Variants in LRMDA observed in about 807,000 individuals in gnomAD.
LRMDA encodes leucine rich melanocyte differentiation associated.
A neutral mutation model predicts 29.8 loss-of-function variants in LRMDA; 18 were observed. That is an observed-to-expected ratio of 0.60 (90% CI 0.42 to 0.90). LRMDA has a LOEUF of 0.90. Ranked by LOEUF, LRMDA falls within the 40% of genes least tolerant of loss-of-function variation. LRMDA has a pLI of 0.00. For synonymous variants in LRMDA, 125 were observed against 109.4 expected (o/e 1.14, Z -0.89); for missense variants, 273 against 273.9 (o/e 1.00, Z 0.02).
chr10:76,412,876 C>T (rs1464113749), intron 6 of LRMDA, among the ~76,000 whole-genome samples: 1 of 152,000 alleles, frequency 6.6e-6, no homozygotes, highest in Non-Finnish European at 1.5e-5. Flanking sequence ...AGACTTGTTG[C>T]CTTTCCTCTC....
At chr10:76,204,382 TATTCC>T (rs1851496689) in intron 5 of LRMDA, among the ~76,000 whole-genome samples, 3 of 152,204 alleles carry the variant, frequency 2.0e-5, no homozygotes, top group African/African-American at 4.8e-5. Context: ...TACCCATCTC[TATTCC>T]ATATGCCTGT....
At chr10:75,518,697 C>T (rs917290597) in intron 2 of LRMDA, among the ~76,000 whole-genome samples, 2 of 152,000 alleles carry the variant, frequency 1.3e-5, no homozygotes, top group African/African-American at 2.4e-5. Context: ...GTGTCTCTAT[C>T]TCCTTCAGTT....
intron 2 of LRMDA, among the ~76,000 whole-genome samples, chr10:76,035,807 C>T (rs939606026): frequency 6.6e-6 from 1 of 152,332 alleles, no homozygotes; most frequent in Non-Finnish European, 1.5e-5. Context: ...GTGAAGGATG[C>T]GGTGGGTGCC....
intron 2 of LRMDA, among the ~76,000 whole-genome samples, chr10:75,868,375 A>G (rs1264129217): frequency 6.6e-6 from 1 of 152,122 alleles, no homozygotes; most frequent in African/African-American, 2.4e-5. Context: ...TTTTTATGAA[A>G]TGGGGGTAAT....
chr10:75,938,632 A>G (rs1846336634), intron 2 of LRMDA, among the ~76,000 whole-genome samples: 2 of 152,196 alleles, frequency 1.3e-5, no homozygotes, highest in Non-Finnish European at 2.9e-5. Flanking sequence ...ATCTTTGTCT[A>G]TAGCGGCAAG....
chr10:75,490,932 T>C lies in LRMDA; in HGVS notation c.131+52438T>C, dbSNP rs577954564. ...ACCTCTCCTCTCCCATCTGATTCCT[T>C]GTATCAGGAGTACAATAATAATTTT... On this transcript the variant is annotated intron_variant, in intron 2 of 6. Coordinates refer to ENST00000611255, the MANE Select transcript of LRMDA (RefSeq NM_001305581.2). Among the ~76,000 whole-genome samples the C allele has an allele frequency of 2.0e-5, 3 of 152,316 alleles. No individual in the cohort carries two copies. In the South Asian group the frequency reaches 6.2e-4, roughly 32 times the overall value.
chr10:75,845,207 CA>C (rs372223442), intron 2 of LRMDA, among the ~76,000 whole-genome samples: 5 of 101,882 alleles, frequency 4.9e-5, no homozygotes, highest in African/African-American at 1.4e-4. Flanking sequence ...TTATGAGCCA[CA>C]GGTTTTTTTT....
At position 76,291,912 on chromosome 10, in the gene LRMDA, GCACACACACACACACACGTGCA is replaced by G. The variant is rs1335743895; in HGVS notation, c.517-32471_517-32450del. 8.2e-4 allele frequency among the ~76,000 whole-genome samples: 111 copies of G among 134,956 alleles called. 1 individual carries two copies. Among genetic ancestry groups the G allele is most frequent in the Admixed American group, 4.0e-3 (54 of 13,342 alleles). The allele number at this position is 134,956 out of a possible 152,430, so 88.5% of individuals were successfully genotyped here. ...ACAGATTATATATACACCCACACGTGCACACACACACACACACGTGCACACACACACACACACACACAAATTC... is the reference window on the plus strand; with the variant it reads ...ACAGATTATATATACACCCACACGTGCACACACACACACACACACAAATTC... On this transcript the variant is annotated intron_variant, in intron 5 of 6. Transcript: ENST00000611255.
intron 2 of LRMDA, among the ~76,000 whole-genome samples, chr10:75,934,607 G>A (rs1158723959): frequency 2.0e-5 from 3 of 152,202 alleles, no homozygotes; most frequent in Admixed American, 6.5e-5. Context: ...AGGGCATAAA[G>A]GGTGTGCTCC....
chr10:75,933,701 A>G (rs1022443354), intron 2 of LRMDA, among the ~76,000 whole-genome samples: 1 of 152,142 alleles, frequency 6.6e-6, no homozygotes, highest in African/African-American at 2.4e-5. Context: ...GATTGGTGAG[A>G]CAGGTGGGAG....
At chr10:76,276,047 ATCTATCTCTTTCTTTC>A (rs1474110080) in intron 5 of LRMDA, among the ~76,000 whole-genome samples, 83 of 145,000 alleles carry the variant, frequency 5.7e-4, no homozygotes, top group African/African-American at 1.6e-3. Flanking sequence ...CTATCTATCT[ATCTATCTCTTTCTTTC>A]TCTCTTTCTT....
At chr10:76,416,420 C>G (rs968749169) in intron 6 of LRMDA, among the ~76,000 whole-genome samples, 4 of 152,208 alleles carry the variant, frequency 2.6e-5, no homozygotes, top group Non-Finnish European at 4.4e-5. Context: ...GGCCATCTAA[C>G]TTCTTTAAGC....
chr10:76,142,792 T>C (rs906446901), intron 5 of LRMDA, among the ~76,000 whole-genome samples: 4 of 151,474 alleles, frequency 2.6e-5, no homozygotes, highest in Non-Finnish European at 4.4e-5. Context: ...CTGCACCCAT[T>C]AACTCGTCAT....
At chr10:76,216,276 A>G (rs533372644) in intron 5 of LRMDA, among the ~76,000 whole-genome samples, 1 of 152,358 alleles carries the variant, frequency 6.6e-6, no homozygotes, top group South Asian at 2.1e-4. Context: ...GGATCACCTG[A>G]GCTCAGTAGT....
intron 6 of LRMDA, among the ~76,000 whole-genome samples, chr10:76,491,038 C>T (rs1842829053): frequency 6.6e-6 from 1 of 151,840 alleles, no homozygotes; most frequent in Admixed American, 6.6e-5. Flanking sequence ...CATCAACAAA[C>T]AAAAGGAAAA....
intron 2 of LRMDA, among the ~76,000 whole-genome samples, chr10:75,890,256 A>G (rs1021240293): frequency 2.0e-5 from 3 of 152,184 alleles, no homozygotes; most frequent in Non-Finnish European, 4.4e-5. Flanking sequence ...ATTCATAAGT[A>G]TATTTAAAGA....
intron 5 of LRMDA, among the ~76,000 whole-genome samples, chr10:76,279,847 A>C (rs182336746): frequency 1.3e-5 from 2 of 152,302 alleles, no homozygotes; most frequent in Admixed American, 1.3e-4. Context: ...AATACTCATG[A>C]CACTATGAGG....
intron 2 of LRMDA, among the ~76,000 whole-genome samples, chr10:75,983,175 C>T (rs912694676): frequency 6.6e-5 from 10 of 152,120 alleles, no homozygotes; most frequent in Middle Eastern, 3.2e-3. Flanking sequence ...ATCCAGCCAT[C>T]GAAGCCTGCC....
chr10:75,895,531 C>T (rs941318876), intron 2 of LRMDA, among the ~76,000 whole-genome samples: 16 of 152,184 alleles, frequency 1.1e-4, no homozygotes, highest in Admixed American at 1.0e-3. Flanking sequence ...TGCTTGATTC[C>T]AGAATCTAGG....
Sources: gnomAD v4.1 joint callset for allele counts (sites outside exome capture counted in the v4.1 genomes callset) on GRCh38, gnomAD v4.1.1 for gene constraint, MANE v1.5 for transcripts, NCBI Gene and HGNC (gene_info 2026-07-23, HGNC 2026-07-21) for gene names.